Variants in C8orf34 observed in about 807,000 individuals in gnomAD.
C8orf34 encodes the protein chromosome 8 open reading frame 34.
C8orf34 carries 65 observed loss-of-function variants against 68.3 expected under a neutral mutation model. That is an observed-to-expected ratio of 0.95 (90% CI 0.78 to 1.17). C8orf34 has a LOEUF of 1.17. C8orf34 is among the 50% of genes most tolerant of loss of function. The probability of loss-of-function intolerance (pLI) is 0.00; values close to 1 mark genes in which losing one functional copy is unlikely to be tolerated. For missense variants in C8orf34, 664 were observed against 655.4 expected, an observed-to-expected ratio of 1.01 and a Z score of -0.14; for synonymous variants, 244 against 241.2, an observed-to-expected ratio of 1.01 and a Z score of -0.11.
At chr8:68,352,570 T>C (rs1024632701) in intron 1 of C8orf34, among the ~76,000 whole-genome samples, 3 of 152,096 alleles carry the variant, frequency 2.0e-5, no homozygotes, top group Admixed American at 1.3e-4. Flanking sequence ...GGAAAAGTGA[T>C]CCAGCTTTCA....
intron 7 of C8orf34, among the ~76,000 whole-genome samples, chr8:68,557,885 A>G (rs1400628378): frequency 1.3e-5 from 2 of 152,218 alleles, no homozygotes; most frequent in African/African-American, 4.8e-5. Flanking sequence ...AAACATCAGA[A>G]TAATGGACAG....
chr8:68,731,001 G>A (rs1821962278), intron 10 of C8orf34, among the ~76,000 whole-genome samples: 1 of 152,114 alleles, frequency 6.6e-6, no homozygotes, highest in South Asian at 2.1e-4. Context: ...GTAGAAATGG[G>A]CTGAAGAGAA....
chr8:68,396,940 T>A (rs1469649920), intron 1 of C8orf34, among the ~76,000 whole-genome samples: 1 of 151,986 alleles, frequency 6.6e-6, no homozygotes, highest in Non-Finnish European at 1.5e-5. Context: ...CATGTATTCC[T>A]TTATAGCAAC....
chr8:68,406,827 C>T (rs865865909), intron 1 of C8orf34, among the ~76,000 whole-genome samples: 1 of 152,112 alleles, frequency 6.6e-6, no homozygotes, highest in African/African-American at 2.4e-5. Context: ...GCATTATTCC[C>T]CCAACAGATC....
chr8:68,516,131 A>C (rs1814502294), intron 5 of C8orf34, among the ~76,000 whole-genome samples: 1 of 152,194 alleles, frequency 6.6e-6, no homozygotes. Context: ...CATTTAAAAA[A>C]ATGACCATCT....
intron 6 of C8orf34, among the ~76,000 whole-genome samples, chr8:68,528,763 CA>C (rs139347251): frequency 1.3e-5 from 2 of 152,308 alleles, no homozygotes; most frequent in East Asian, 3.9e-4. Context: ...TGCTCTCCCC[CA>C]ATCTCCAAAA....
intron 5 of C8orf34, among the ~76,000 whole-genome samples, chr8:68,490,008 C>T (rs1404311145): frequency 6.6e-6 from 1 of 152,168 alleles, no homozygotes; most frequent in East Asian, 1.9e-4. Flanking sequence ...GTTGACCATA[C>T]TCAATGGCAA....
chr8:68,387,662 G>A (rs1352805945), intron 1 of C8orf34, among the ~76,000 whole-genome samples: 1 of 152,114 alleles, frequency 6.6e-6, no homozygotes, highest in East Asian at 1.9e-4. Context: ...TCATAGCACT[G>A]TGTGTCTGAA....
At chr8:68,758,080 C>T (rs1241994907) in intron 10 of C8orf34, among the ~76,000 whole-genome samples, 1 of 152,204 alleles carries the variant, frequency 6.6e-6, no homozygotes, top group Non-Finnish European at 1.5e-5. Context: ...GTGCCAGGCA[C>T]ACTGATGGCA....
intron 7 of C8orf34, among the ~76,000 whole-genome samples, chr8:68,594,658 C>G (rs551144602): frequency 5.1e-4 from 78 of 152,090 alleles, no homozygotes; most frequent in African/African-American, 1.8e-3. Context: ...TTTTATATTT[C>G]TATGTTCTAC....
intron 6 of C8orf34, among the ~76,000 whole-genome samples, chr8:68,532,229 G>A (rs892276338): frequency 6.6e-5 from 10 of 152,088 alleles, no homozygotes; most frequent in African/African-American, 2.4e-4. Flanking sequence ...ATCCTCACGA[G>A]CTTTAGAAAT....
intron 2 of C8orf34, among the ~76,000 whole-genome samples, chr8:68,445,016 C>T (rs1811062286): frequency 6.6e-6 from 1 of 152,202 alleles, no homozygotes; most frequent in Non-Finnish European, 1.5e-5. Context: ...ACCTAGAAAT[C>T]TTCCATTCTC....
chr8:68,337,430 A>T (rs1019273372), intron 1 of C8orf34, among the ~76,000 whole-genome samples: 1 of 152,180 alleles, frequency 6.6e-6, no homozygotes, highest in Admixed American at 6.5e-5. Context: ...GTTTTCAAAA[A>T]TGTTAAAGTC....
chr8:68,757,806 T>G (rs10096688), intron 10 of C8orf34, among the ~76,000 whole-genome samples: 4 of 151,932 alleles, frequency 2.6e-5, no homozygotes, highest in African/African-American at 9.7e-5. Context: ...CAGAGACCCA[T>G]GGTCAAATCT....
At chr8:68,757,545 G>C (rs572771410) in intron 10 of C8orf34, among the ~76,000 whole-genome samples, 1 of 151,998 alleles carries the variant, frequency 6.6e-6, no homozygotes, top group African/African-American at 2.4e-5. Flanking sequence ...CACTTGAACC[G>C]GGGAGGCGGA....
chr8:68,716,797 A>G (rs1821486241), intron 9 of C8orf34, among the ~76,000 whole-genome samples: 2 of 152,050 alleles, frequency 1.3e-5, no homozygotes, highest in Admixed American at 6.5e-5. Context: ...AGAAATAAGT[A>G]TCATATAGCA....
intron 8 of C8orf34, among the ~76,000 whole-genome samples, chr8:68,657,641 A>AT (rs1331999204): frequency 1.3e-5 from 2 of 152,128 alleles, no homozygotes; most frequent in East Asian, 1.9e-4. Flanking sequence ...TTTCAGCTTC[A>AT]TTTTTTATCT....
chr8:68,668,607 G>A (rs541777082), intron 8 of C8orf34, among the ~76,000 whole-genome samples: 1 of 152,292 alleles, frequency 6.6e-6, no homozygotes, highest in South Asian at 2.1e-4. Flanking sequence ...GACCTGGTAG[G>A]CAGAATTTCT....
At chr8:68,462,139 T>C (rs1811863913) in intron 3 of C8orf34, among the ~76,000 whole-genome samples, 1 of 151,792 alleles carries the variant, frequency 6.6e-6, no homozygotes, top group Admixed American at 6.6e-5. Context: ...GGGGTTGCAA[T>C]CCTGGTCTCT....
Sources: gnomAD v4.1 joint callset for allele counts (sites outside exome capture counted in the v4.1 genomes callset) on GRCh38, gnomAD v4.1.1 for gene constraint, MANE v1.5 for transcripts, NCBI Gene and HGNC (gene_info 2026-07-23, HGNC 2026-07-21) for gene names.